KCNK10: variants seen among roughly 807,000 people sequenced by gnomAD.
KCNK10 encodes the protein potassium two pore domain channel subfamily K member 10.
In KCNK10, 25 loss-of-function variants were observed where a neutral mutation model predicts 47.7. The observed-to-expected ratio is 0.52, with a 90% CI of 0.38 to 0.73. The LOEUF (loss-of-function observed/expected upper bound fraction) is 0.73. KCNK10 is among the 30% of genes least tolerant of loss of function. The pLI is 0.00. For synonymous variants in KCNK10, 303 were observed against 285.6 expected (o/e 1.06, Z -0.61); for missense variants, 563 against 714.5 (o/e 0.79, Z 2.42).
chr14:88,294,679 C>G (rs1887950188), intron 1 of KCNK10, among the ~76,000 whole-genome samples: 1 of 152,134 alleles, frequency 6.6e-6, no homozygotes, highest in Non-Finnish European at 1.5e-5. Context: ...GGGCAAAGGA[C>G]CACAAGAGAT....
chr14:88,235,334 A>T (rs751398553), intron 3 of KCNK10: 1 of 428,674 alleles, frequency 2.3e-6, no homozygotes, highest in Non-Finnish European at 4.7e-6. Flanking sequence ...AACTTCCATA[A>T]GAAAAAAAAT....
intron 1 of KCNK10, among the ~76,000 whole-genome samples, chr14:88,268,551 G>C (rs562660693): frequency 4.6e-5 from 7 of 152,350 alleles, no homozygotes; most frequent in South Asian, 2.1e-4. Flanking sequence ...GTAGGAACAG[G>C]AAAAGAGGAA....
At chr14:88,279,207 T>C (rs2139770308) in intron 1 of KCNK10, among the ~76,000 whole-genome samples, 1 of 152,338 alleles carries the variant, frequency 6.6e-6, no homozygotes, top group Middle Eastern at 3.4e-3. Context: ...CAGCATCCTA[T>C]GCTCTAAGGG....
At chr14:88,270,503 C>T (rs1294664151) in intron 1 of KCNK10, among the ~76,000 whole-genome samples, 2 of 152,190 alleles carry the variant, frequency 1.3e-5, no homozygotes, top group African/African-American at 2.4e-5. Context: ...GGTCCCAAAA[C>T]GCCACCCGAG....
At chr14:88,210,396 G>C (rs2139849779) in intron 4 of KCNK10, among the ~76,000 whole-genome samples, 1 of 152,334 alleles carries the variant, frequency 6.6e-6, no homozygotes, top group African/African-American at 2.4e-5. Flanking sequence ...ACACAAAAAA[G>C]TGTTATTCGA....
At chr14:88,288,485 A>T (rs1887813533) in intron 1 of KCNK10, among the ~76,000 whole-genome samples, 1 of 152,060 alleles carries the variant, frequency 6.6e-6, no homozygotes, top group South Asian at 2.1e-4. Context: ...TCCTGATTTC[A>T]TTCCACCACT....
intron 1 of KCNK10, among the ~76,000 whole-genome samples, chr14:88,282,485 G>A (rs1887671104): frequency 6.6e-6 from 1 of 152,184 alleles, no homozygotes; most frequent in African/African-American, 2.4e-5. Context: ...ACTGCATTTA[G>A]CTCAGCAGGA....
At chr14:88,221,049 C>T (rs1299827895) in intron 4 of KCNK10, among the ~76,000 whole-genome samples, 1 of 151,912 alleles carries the variant, frequency 6.6e-6, no homozygotes, top group Non-Finnish European at 1.5e-5. Flanking sequence ...TGCCTGTAAT[C>T]CCAGCACTCT....
chr14:88,256,037 C>T (rs957467551), intron 2 of KCNK10, among the ~76,000 whole-genome samples: 1 of 152,180 alleles, frequency 6.6e-6, no homozygotes, highest in African/African-American at 2.4e-5. Flanking sequence ...ATCATCTGCA[C>T]ACTCCCTCAC....
At chr14:88,270,939 C>G (rs377549070) in intron 1 of KCNK10, 2 of 708,524 alleles carry the variant, frequency 2.8e-6, no homozygotes, top group East Asian at 2.5e-5. Flanking sequence ...CAGGACCTGG[C>G]GCCTGCCTAT....
chr14:88,207,455 C>T (rs923695972), intron 4 of KCNK10, among the ~76,000 whole-genome samples: 9 of 151,974 alleles, frequency 5.9e-5, no homozygotes, highest in East Asian at 1.9e-4. Context: ...ATTACAGGCG[C>T]GAGCCACAGC....
chr14:88,188,197 C>A, intron 5 of KCNK10, 88 bp from the exon 6 acceptor site: 1 of 1,445,676 alleles, frequency 6.9e-7, no homozygotes, highest in South Asian at 1.2e-5. Flanking sequence ...GTGAAGACGT[C>A]ATCCATCATT....
At chr14:88,244,690 C>T (rs1886579113) in intron 2 of KCNK10, among the ~76,000 whole-genome samples, 1 of 152,158 alleles carries the variant, frequency 6.6e-6, no homozygotes, top group East Asian at 1.9e-4. Context: ...AAAAAATTAC[C>T]TGCATTCAGG....
chr14:88,302,287 C>T (rs1024783819), intron 1 of KCNK10, among the ~76,000 whole-genome samples: 2 of 152,188 alleles, frequency 1.3e-5, no homozygotes, highest in Non-Finnish European at 2.9e-5. Context: ...CTGCTGAGAT[C>T]ACTCAGGAGA....
rs544355686 is a variant in KCNK10 at position 88,181,842 on chromosome 14, T to C, written c.*3693A>G. On this transcript the variant is annotated 3_prime_UTR_variant, in exon 7 of 7. Transcript: ENST00000319231. ...ACTCATGGACTAGGGAGTGTTTCATTAGAGAACTGCACAACTACAATGGCC... is the reference window on the plus strand; with the variant it reads ...ACTCATGGACTAGGGAGTGTTTCATCAGAGAACTGCACAACTACAATGGCC... The C allele has an allele frequency of 3.8e-4, 58 of 152,398 alleles. No individual in the cohort carries two copies. Among genetic ancestry groups the C allele is most frequent in the African/African-American group, 1.1e-3 (47 of 41,562 alleles). The allele number at this position is 152,398 out of a possible 1,614,324, so 9.4% of individuals were successfully genotyped here. A position where few individuals can be genotyped will look rare whatever the true frequency, so the allele number is the denominator to read the frequency against.
At chr14:88,195,025 T>TA (rs1884868541) in intron 4 of KCNK10, among the ~76,000 whole-genome samples, 7 of 89,930 alleles carry the variant, frequency 7.8e-5, no homozygotes, top group African/African-American at 4.2e-4. Flanking sequence ...CTCTAGGTAT[T>TA]TAAAAAAAAA....
chr14:88,185,362 A>G lies in KCNK10; in HGVS notation c.*173T>C. 1 of 923,190 alleles carries G rather than the reference A, an allele frequency of 1.1e-6. No individual in the cohort carries two copies. The allele number at this position is 923,190 out of a possible 1,614,324, so 57.2% of individuals were successfully genotyped here. On this transcript the variant is annotated 3_prime_UTR_variant, in exon 7 of 7. Coordinates refer to ENST00000319231, the MANE Select transcript of KCNK10 (RefSeq NM_138317.3). This position sits in a 1 kb window ranked among gnomAD's most constrained non-coding sequence, Gnocchi z 4.3. ...TCTGAAATGAAGTTCTTGTTCTCTG[A>G]TTCCTTTTGGCAGAGCAAGCTTTCA...
chr14:88,217,353 A>G (rs1289735770), intron 4 of KCNK10, among the ~76,000 whole-genome samples: 2 of 152,094 alleles, frequency 1.3e-5, no homozygotes, highest in Middle Eastern at 3.2e-3. Context: ...CATTTCTTAA[A>G]CTAAAGCCAC....
intron 4 of KCNK10, among the ~76,000 whole-genome samples, chr14:88,224,424 T>C (rs973208848): frequency 2.6e-5 from 4 of 152,220 alleles, no homozygotes; most frequent in African/African-American, 7.2e-5. Context: ...TTCTTATTTA[T>C]TCATGTCATA....
Sources: gnomAD v4.1 joint callset for allele counts (sites outside exome capture counted in the v4.1 genomes callset) on GRCh38, gnomAD v4.1.1 for gene constraint, Gnocchi (gnomAD v3.1) non-coding constraint, MANE v1.5 for transcripts, NCBI Gene and HGNC (gene_info 2026-07-23, HGNC 2026-07-21) for gene names.